Variants in PLCB1 observed in about 807,000 individuals in gnomAD.
PLCB1 encodes phospholipase C beta 1.
PLCB1 carries 46 observed loss-of-function variants against 161.8 expected under a neutral mutation model. The observed-to-expected ratio is 0.28, with a 90% CI of 0.22 to 0.36. The LOEUF (loss-of-function observed/expected upper bound fraction) is 0.36. Ranked by LOEUF, PLCB1 falls within the 10% of genes least tolerant of loss-of-function variation. The probability of loss-of-function intolerance (pLI) is 1.00; values close to 1 mark genes in which losing one functional copy is unlikely to be tolerated. For missense variants in PLCB1, 1,016 were observed against 1,472.5 expected (o/e 0.69, Z 5.07); for synonymous variants, 517 against 503.7 (o/e 1.03, Z -0.35).
chr20:8,727,285 T>C (rs761292954), intron 16 of PLCB1, 24 bp from the exon 17 acceptor site: 1 of 1,279,928 alleles, frequency 7.8e-7, no homozygotes, highest in Non-Finnish European at 1.1e-6. Flanking sequence ...TTCCCCTTTT[T>C]TGTTTTGTTG....
chr20:8,639,039 T>TG (rs1420006573), intron 4 of PLCB1, among the ~76,000 whole-genome samples: 1 of 152,022 alleles, frequency 6.6e-6, no homozygotes, highest in Non-Finnish European at 1.5e-5. Flanking sequence ...CTGCCTGGGG[T>TG]GGGCATTGTG....
chr20:8,639,603 G>A (rs996923221), intron 4 of PLCB1, among the ~76,000 whole-genome samples: 10 of 152,228 alleles, frequency 6.6e-5, no homozygotes, highest in Non-Finnish European at 1.0e-4. Context: ...GATTTGCCAT[G>A]TGGCACATGT....
chr20:8,181,693 G>T (rs1600220392), intron 2 of PLCB1, among the ~76,000 whole-genome samples: 1 of 152,200 alleles, frequency 6.6e-6, no homozygotes, highest in Non-Finnish European at 1.5e-5. Context: ...AGCTACCACT[G>T]GCTGTTCGTG....
intron 13 of PLCB1, 44 bp downstream of exon 13, chr20:8,716,392 T>C: frequency 8.1e-6 from 11 of 1,358,644 alleles, no homozygotes; most frequent in East Asian, 2.3e-5. Flanking sequence ...GTATGCATTA[T>C]TGATGAATGA....
chr20:8,698,674 C>T (rs1274589255), intron 11 of PLCB1, among the ~76,000 whole-genome samples: 1 of 152,116 alleles, frequency 6.6e-6, no homozygotes, highest in African/African-American at 2.4e-5. Flanking sequence ...TTAGAGAGGA[C>T]TTACAGGACT....
At chr20:8,518,391 G>A (rs1224791917) in intron 3 of PLCB1, among the ~76,000 whole-genome samples, 5 of 152,118 alleles carry the variant, frequency 3.3e-5, no homozygotes, top group Non-Finnish European at 4.4e-5. Flanking sequence ...TCACAAAGGA[G>A]CCTCTCAGGG....
intron 2 of PLCB1, among the ~76,000 whole-genome samples, chr20:8,225,355 A>G (rs1211946606): frequency 6.6e-6 from 1 of 152,196 alleles, no homozygotes; most frequent in Non-Finnish European, 1.5e-5. Context: ...CTTATTTTAA[A>G]TGCCTAATTG....
intron 18 of PLCB1, 50 bp from the exon 19 acceptor site, chr20:8,733,188 A>G (rs774009377): frequency 4.7e-5 from 74 of 1,581,940 alleles, no homozygotes; most frequent in Non-Finnish European, 6.3e-5. Flanking sequence ...TTACTTTCTT[A>G]CCCCAAGTAT....
chr20:8,841,285 A>G (rs781777398), intron 31 of PLCB1, among the ~76,000 whole-genome samples: 5 of 152,250 alleles, frequency 3.3e-5, no homozygotes, highest in Non-Finnish European at 7.3e-5. Context: ...TGTGTGAGTA[A>G]TGGCTATTAA....
chr20:8,624,299 A>G (rs1988269904), intron 3 of PLCB1, among the ~76,000 whole-genome samples: 1 of 152,190 alleles, frequency 6.6e-6, no homozygotes, highest in African/African-American at 2.4e-5. Flanking sequence ...AATCAAATTA[A>G]CCTACACAAA....
At chr20:8,662,543 AATT>A (rs1398379937) in intron 9 of PLCB1, among the ~76,000 whole-genome samples, 1 of 144,370 alleles carries the variant, frequency 6.9e-6, no homozygotes, top group Non-Finnish European at 1.5e-5. Flanking sequence ...TGTAATATAT[AATT>A]ATTTATCATA....
At chr20:8,383,220 T>C (rs574104806) in intron 3 of PLCB1, among the ~76,000 whole-genome samples, 2 of 152,352 alleles carry the variant, frequency 1.3e-5, no homozygotes, top group African/African-American at 4.8e-5. Context: ...TGGATGCTCC[T>C]GTATTGGGTG....
At chr20:8,666,362 TG>T (rs1989812246) in intron 9 of PLCB1, among the ~76,000 whole-genome samples, 1 of 152,044 alleles carries the variant, frequency 6.6e-6, no homozygotes, top group Non-Finnish European at 1.5e-5. Context: ...TTTCTATAAA[TG>T]GCCTTAAGGG....
rs1429312487 is a variant in PLCB1, at chr20:8,257,475, T to A, written c.177+107104T>A. Among the ~76,000 whole-genome samples the A allele has an allele frequency of 2.0e-5, 3 of 152,186 alleles. No individual in the cohort carries two copies. The East Asian group carries it at 5.8e-4, about 29-fold the overall frequency. ...TAGTCTAATATAATGAGAGAGATAA[T>A]ATTACAAAATAGTTAGGATGGCTGA... On this transcript the variant is annotated intron_variant, in intron 2 of 31. Coordinates refer to ENST00000338037, the MANE Select transcript of PLCB1 (RefSeq NM_015192.4).
intron 9 of PLCB1, among the ~76,000 whole-genome samples, chr20:8,662,350 ATATGTAATTATTTAT>A (rs1402769360): frequency 6.4e-5 from 8 of 125,402 alleles, no homozygotes; most frequent in African/African-American, 1.6e-4. Context: ...ATTATGTATA[ATATGTAATTATTTAT>A]TATATAATTA....
intron 31 of PLCB1, among the ~76,000 whole-genome samples, chr20:8,816,102 A>G (rs947988603): frequency 7.8e-4 from 118 of 151,746 alleles, no homozygotes; most frequent in Middle Eastern, 3.4e-3. Flanking sequence ...AATTAAAAGC[A>G]AACAAATGGG....
chr20:8,259,537 GCCCCAAAGGCAGAGGATGGTGT>G (rs1239132824), intron 2 of PLCB1, among the ~76,000 whole-genome samples: 2 of 152,030 alleles, frequency 1.3e-5, no homozygotes, highest in African/African-American at 2.4e-5. Context: ...GATCGCTTGA[GCCCCAAAGGCAGAGGATGGTGT>G]GATCCAAGAT....
At chr20:8,661,820 C>T (rs1471473431) in intron 9 of PLCB1, among the ~76,000 whole-genome samples, 2 of 149,350 alleles carry the variant, frequency 1.3e-5, no homozygotes, top group Admixed American at 6.9e-5. Flanking sequence ...AGCCAACCTA[C>T]GTTAAGTAAT....
chr20:8,667,989 A>G (rs1989855264), intron 9 of PLCB1, among the ~76,000 whole-genome samples: 1 of 151,896 alleles, frequency 6.6e-6, no homozygotes, highest in East Asian at 1.9e-4. Context: ...GGTGGAGGGG[A>G]CTCTGGCTCA....
Sources: allele counts gnomAD v4.1 joint callset (sites outside exome capture counted in the v4.1 genomes callset), GRCh38; gene constraint gnomAD v4.1.1; transcripts MANE v1.5; gene names NCBI Gene and HGNC (gene_info 2026-07-23, HGNC 2026-07-21).